Variants in ARHGEF4 observed in about 807,000 individuals in gnomAD.
ARHGEF4 encodes the protein APC-stimulated guanine nucleotide exchange factor 1.
Under a neutral mutation model 162.0 loss-of-function variants are expected in ARHGEF4, and 119 were observed. The ratio of observed to expected loss-of-function variants is 0.73; its 90% CI spans 0.63 to 0.86. The LOEUF is 0.86. Ranked by LOEUF, ARHGEF4 falls within the 40% of genes least tolerant of loss-of-function variation. The pLI is 0.00. For synonymous variants in ARHGEF4, 1,014 were observed against 979.9 expected, an observed-to-expected ratio of 1.03 and a Z score of -0.65; for missense variants, 2,488 against 2,456.0, an observed-to-expected ratio of 1.01 and a Z score of -0.28.
intron 4 of ARHGEF4, chr2:131,011,669 T>C: frequency 6.5e-7 from 1 of 1,535,110 alleles, no homozygotes; most frequent in Non-Finnish European, 8.7e-7. Context: ...CCATCGGAGC[T>C]GATGGGGGTG....
intron 1 of ARHGEF4, among the ~76,000 whole-genome samples, chr2:130,851,610 C>T (rs896010116): frequency 9.9e-5 from 15 of 152,180 alleles, no homozygotes; most frequent in Non-Finnish European, 2.2e-4. Flanking sequence ...TCCAGTCTGT[C>T]TGCAAAGCAG....
intron 4 of ARHGEF4, among the ~76,000 whole-genome samples, chr2:130,997,303 A>T (rs1049209533): frequency 7.9e-5 from 12 of 152,180 alleles, no homozygotes; most frequent in Admixed American, 6.5e-4. Flanking sequence ...GGTGTAATTT[A>T]AAAAATACTT....
intron 1 of ARHGEF4, among the ~76,000 whole-genome samples, chr2:130,867,358 C>G (rs1682360939): frequency 6.6e-6 from 1 of 151,970 alleles, no homozygotes; most frequent in Admixed American, 6.6e-5. Flanking sequence ...CCTGCCTCAG[C>G]CTCTTGAGTA....
chr2:131,011,559 C>T, intron 4 of ARHGEF4: 1 of 1,417,534 alleles, frequency 7.1e-7, no homozygotes, highest in Non-Finnish European at 9.4e-7. Context: ...CATGTGCTTC[C>T]ATATCAGCCA....
rs180706359 is a variant in ARHGEF4 at position 130,855,865 on chromosome 2, A to C, written c.39+18873A>C. Among the ~76,000 whole-genome samples the C allele has an allele frequency of 1.0e-3, 155 of 152,374 alleles. 2 individuals are homozygous for C. In the East Asian group the frequency reaches 0.027, roughly 27 times the overall value. On this transcript the variant is annotated intron_variant, in intron 1 of 13. Transcript: ENST00000409359. ...ATAAACAATTGACCAATCAAACAAC[A>C]ACCATAACAATATCAACAACCCACA...
intron 2 of ARHGEF4, among the ~76,000 whole-genome samples, chr2:130,927,688 A>T (rs1682375647): frequency 7.1e-6 from 1 of 141,188 alleles, no homozygotes; most frequent in South Asian, 2.4e-4. Context: ...GGAAGCATGT[A>T]TGAGTGGTAT....
intron 4 of ARHGEF4, among the ~76,000 whole-genome samples, chr2:131,019,133 C>T (rs1369709594): frequency 6.6e-6 from 1 of 152,106 alleles, no homozygotes; most frequent in African/African-American, 2.4e-5. Context: ...GCCACTGGGG[C>T]TGGGCGCAGT....
At chr2:130,905,880 G>A (rs2105028538) in intron 1 of ARHGEF4, among the ~76,000 whole-genome samples, 1 of 152,308 alleles carries the variant, frequency 6.6e-6, no homozygotes, top group Admixed American at 6.5e-5. Flanking sequence ...TGCAGTTTCA[G>A]GCACTCACTG....
intron 4 of ARHGEF4, among the ~76,000 whole-genome samples, chr2:130,985,441 G>T (rs982795038): frequency 1.3e-5 from 2 of 152,078 alleles, no homozygotes; most frequent in Non-Finnish European, 2.9e-5. Context: ...TGCTGCAGCC[G>T]AGGAAATGGG....
chr2:130,849,459 C>T (rs1558999134), intron 1 of ARHGEF4, among the ~76,000 whole-genome samples: 1 of 152,112 alleles, frequency 6.6e-6, no homozygotes, highest in Non-Finnish European at 1.5e-5. Flanking sequence ...TGGGGGCACC[C>T]CACAGGCTGT....
intron 4 of ARHGEF4, among the ~76,000 whole-genome samples, chr2:131,027,159 C>G (rs996450179): frequency 3.3e-5 from 5 of 152,218 alleles, no homozygotes; most frequent in Non-Finnish European, 5.9e-5. Flanking sequence ...ACCCACCCTG[C>G]TCCAGCAGTA....
chr2:130,910,228 T>C (rs947434011), intron 1 of ARHGEF4, among the ~76,000 whole-genome samples: 1 of 152,096 alleles, frequency 6.6e-6, no homozygotes, highest in Admixed American at 6.5e-5. Flanking sequence ...GCCTGAAAGA[T>C]TCAATTTGGA....
chr2:130,989,816 A>T (rs1558815091), intron 4 of ARHGEF4, among the ~76,000 whole-genome samples: 1 of 152,196 alleles, frequency 6.6e-6, no homozygotes, highest in Non-Finnish European at 1.5e-5. Flanking sequence ...TCGGATTAGC[A>T]CTGGCCTGAG....
At chr2:130,966,131 G>A (rs992955459) in intron 4 of ARHGEF4, among the ~76,000 whole-genome samples, 1 of 152,128 alleles carries the variant, frequency 6.6e-6, no homozygotes, top group African/African-American at 2.4e-5. Flanking sequence ...AGCCACAGAG[G>A]CACTGAGGAA....
intron 4 of ARHGEF4, among the ~76,000 whole-genome samples, chr2:130,970,251 T>C (rs1685269325): frequency 6.6e-6 from 1 of 152,216 alleles, no homozygotes. Context: ...ACAGTTCCTC[T>C]TGATATATAT....
Position 130,837,565 on chromosome 2 carries a change from G to T in ARHGEF4, c.39+573G>T, listed in dbSNP as rs954052282. 235 of 444,012 alleles carry T rather than the reference G, an allele frequency of 5.3e-4. 1 individual carries two copies. Among genetic ancestry groups the T allele is most frequent in the Non-Finnish European group, 1.2e-4 (27 of 221,730 alleles). The allele number at this position is 444,012 out of a possible 1,614,324, so 27.5% of individuals were successfully genotyped here. A position where few individuals can be genotyped will look rare whatever the true frequency, so the allele number is the denominator to read the frequency against. On this transcript the variant is annotated intron_variant, in intron 1 of 13. Coordinates refer to ENST00000409359, the MANE Select transcript of ARHGEF4 (RefSeq NM_001367493.1). ...GCCCCCTCTCTGGCCCGATTTCCGG[G>T]CCCGCTCACCATCCGGGACCCACTC...
rs70994719 is a variant in ARHGEF4 at position 130,889,105 on chromosome 2, C to CAA, written c.40-24869_40-24868dup. ...GGGCAACAAGAACAAAACTCCATCT[C>CAA]AAAAAAAAAAAAAGAAAGAAAGAAA... On this transcript the variant is annotated intron_variant, in intron 1 of 13. Transcript: ENST00000409359. 3.3e-3 allele frequency among the ~76,000 whole-genome samples: 406 copies of CAA among 124,774 alleles called. 6 individuals are homozygous for CAA. The highest frequency in any genetic ancestry group is 0.011 in the African/African-American group (364 of 34,204). The allele number at this position is 124,774 out of a possible 152,430, so 81.9% of individuals were successfully genotyped here.
intron 8 of ARHGEF4, 58 bp downstream of exon 8, chr2:131,040,498 G>A (rs1454766277): frequency 1.4e-6 from 2 of 1,475,602 alleles, no homozygotes; most frequent in Admixed American, 2.5e-5. Context: ...GCTGCCGCGG[G>A]CGCCAGCGCG....
Position 130,915,655 on chromosome 2 carries a change from A to C in ARHGEF4, c.1709A>C (p.Glu570Ala). Residue 570 changes from glutamate to alanine, a missense_variant, in exon 2 of 14, where the codon GAA becomes GCA. Transcript: ENST00000409359. ...SAIDTSKAAEEAMVLDPNYRE... is the reference protein window; with the variant it reads ...SAIDTSKAAEAAMVLDPNYRE... ...ATAGACACTTCAAAGGCAGCCGAAG[A>C]AGCCATGGTTCTAGACCCCAACTAC... 6.5e-7 allele frequency: 1 copy of C among 1,550,320 alleles called. No individual in the cohort carries two copies. Among genetic ancestry groups the C allele is most frequent in the East Asian group, 2.4e-5 (1 of 40,910 alleles).
Sources: gnomAD v4.1 joint callset for allele counts (sites outside exome capture counted in the v4.1 genomes callset) on GRCh38, gnomAD v4.1.1 for gene constraint, MANE v1.5 for transcripts, NCBI Gene and HGNC (gene_info 2026-07-23, HGNC 2026-07-21) for gene names.